RHBDL2: variants seen among roughly 807,000 people sequenced by gnomAD.
The protein encoded by RHBDL2 is rhomboid like 2.
In RHBDL2, 26 loss-of-function variants were observed where a neutral mutation model predicts 31.7. That is an observed-to-expected ratio of 0.82 (90% CI 0.60 to 1.14). RHBDL2 has a LOEUF of 1.14. Ranked by LOEUF, RHBDL2 falls within the 50% of genes most tolerant of loss-of-function variation. The pLI is 0.00. For missense variants in RHBDL2, 336 were observed against 364.4 expected (o/e 0.92, Z 0.63); for synonymous variants, 123 against 127.2 (o/e 0.97, Z 0.22).
intron 1 of RHBDL2, among the ~76,000 whole-genome samples, chr1:38,930,473 A>AC (rs1457045350): frequency 6.6e-6 from 1 of 152,204 alleles, no homozygotes; most frequent in East Asian, 1.9e-4. Context: ...ATATTTGTGT[A>AC]CCCTATTATA....
rs773138017 is a variant in RHBDL2 at position 38,911,445 on chromosome 1, A to G, written c.396-11T>C. 1 of 1,564,102 alleles carries G rather than the reference A, an allele frequency of 6.4e-7. No individual in the cohort carries two copies. Among genetic ancestry groups the G allele is most frequent in the African/African-American group, 1.4e-5 (1 of 73,922 alleles). ...AAGATGTGCTGAACTCTGCAAAGAC[A>G]AACAATAGTTGTCAAATATTATGAC... On this transcript the variant is annotated splice_polypyrimidine_tract_variant and intron_variant, in intron 3 of 7. Transcript: ENST00000372990.
chr1:38,907,608 C>T (rs1643085118), intron 4 of RHBDL2, among the ~76,000 whole-genome samples: 1 of 152,128 alleles, frequency 6.6e-6, no homozygotes, highest in Non-Finnish European at 1.5e-5. Flanking sequence ...TGGCTCATGC[C>T]TGTAATCCCA....
chr1:38,911,202 G>GCACA, intron 4 of RHBDL2, 120 bp downstream of exon 4: 2 of 628,614 alleles, frequency 3.2e-6, no homozygotes, highest in Non-Finnish European at 5.7e-6. Context: ...GTGTTCCCGA[G>GCACA]CACATATTAG....
At chr1:38,937,105 A>G (rs560204959) in intron 1 of RHBDL2, among the ~76,000 whole-genome samples, 1 of 149,680 alleles carries the variant, frequency 6.7e-6, no homozygotes, top group East Asian at 2.0e-4. Flanking sequence ...CCGCCACCAC[A>G]CCCAGCTAAT....
chr1:38,891,377 A>G (rs1642853199), intron 6 of RHBDL2, among the ~76,000 whole-genome samples: 1 of 152,114 alleles, frequency 6.6e-6, no homozygotes, highest in African/African-American at 2.4e-5. Flanking sequence ...ATGCACTTAT[A>G]TTTTATTAAT....
intron 2 of RHBDL2, among the ~76,000 whole-genome samples, chr1:38,916,592 C>CT (rs1414488552): frequency 3.2e-4 from 49 of 152,044 alleles, no homozygotes; most frequent in African/African-American, 1.2e-3. Context: ...TGCCTATAGT[C>CT]CCAGCCCTTT....
intron 3 of RHBDL2, 23 bp downstream of exon 3, chr1:38,915,539 G>A: frequency 6.2e-7 from 1 of 1,612,096 alleles, no homozygotes; most frequent in Non-Finnish European, 8.5e-7. Flanking sequence ...TCTGATACCA[G>A]GGGCTTAACT....
intron 4 of RHBDL2, among the ~76,000 whole-genome samples, chr1:38,898,905 T>C (rs1275487087): frequency 6.6e-6 from 1 of 152,212 alleles, no homozygotes; most frequent in Admixed American, 6.5e-5. Context: ...AAAACTCTTT[T>C]GTTTCCACAC....
At chr1:38,889,730 A>G (rs1642831314) in intron 6 of RHBDL2, among the ~76,000 whole-genome samples, 2 of 152,246 alleles carry the variant, frequency 1.3e-5, no homozygotes, top group Admixed American at 6.5e-5. Context: ...TTCTTGGCCT[A>G]GAAGAACTCT....
At chr1:38,889,772 T>C (rs1557607110) in intron 6 of RHBDL2, among the ~76,000 whole-genome samples, 1 of 152,216 alleles carries the variant, frequency 6.6e-6, no homozygotes, top group Non-Finnish European at 1.5e-5. Context: ...GAAACATCTC[T>C]TGCAGCTATC....
rs564857757 is a variant in RHBDL2, at chr1:38,920,633, G to T, written c.-125-1296C>A. On this transcript the variant is annotated intron_variant, in intron 1 of 7. Transcript: ENST00000372990. ...TTTTTTTTTTTTTTTTTGAGACAGA[G>T]TCTCGCTCTGTCGCCCAGGCTGGAG... Among the ~76,000 whole-genome samples the T allele has an allele frequency of 2.1e-4, 29 of 141,378 alleles. No homozygotes were observed. The East Asian group carries it at 5.7e-3, about 28-fold the overall frequency. 92.7% of individuals were successfully genotyped at this position (141,378 alleles called of 152,430 possible). A position where few individuals can be genotyped will look rare whatever the true frequency, so the allele number is the denominator to read the frequency against.
chr1:38,924,708 C>T (rs1195147627), intron 1 of RHBDL2, among the ~76,000 whole-genome samples: 1 of 150,898 alleles, frequency 6.6e-6, no homozygotes, highest in Non-Finnish European at 1.5e-5. Flanking sequence ...CTTGAAAGGG[C>T]AGGACTGTGC....
In RHBDL2 at chr1:38,919,017, C is replaced by T. The variant is rs372692317; in HGVS notation, c.196G>A (p.Ala66Thr). Residue 66 changes from alanine (A) to threonine (T), a missense_variant, in exon 2 of 8, where the codon GCT (alanine) becomes ACT (threonine). By Grantham distance (58) the Ala-to-Thr change is moderately conservative (BLOSUM62 0). Coordinates refer to ENST00000372990, the MANE Select transcript of RHBDL2 (RefSeq NM_017821.5). The stretch of plus-strand genomic sequence containing the variant: ...AACACGGGAGGCGGGAAGCAGTTAG[C>T]TCTCTCCAAGTATGTTCCTCGGGAC... ...EKSRGTYLERANCFPPPVFII... is the reference protein window; with the variant it reads ...EKSRGTYLERTNCFPPPVFII... The T allele has an allele frequency of 1.9e-6, 3 of 1,614,038 alleles. No homozygotes were observed. In the African/African-American group the frequency reaches 4.0e-5, roughly 22 times the overall value.
chr1:38,894,478 A>G (rs936708736), intron 5 of RHBDL2, among the ~76,000 whole-genome samples: 10 of 151,942 alleles, frequency 6.6e-5, no homozygotes, highest in Non-Finnish European at 7.4e-5. Flanking sequence ...GCGTGCCACC[A>G]CACCCAGCTA....
At chr1:38,899,209 GT>G (rs1642958143) in intron 4 of RHBDL2, among the ~76,000 whole-genome samples, 1 of 152,198 alleles carries the variant, frequency 6.6e-6, no homozygotes, top group Admixed American at 6.5e-5. Flanking sequence ...GGAAAATCAA[GT>G]TTGATCAGGA....
chr1:38,916,703 A>T (rs1643240624), intron 2 of RHBDL2, among the ~76,000 whole-genome samples: 1 of 121,504 alleles, frequency 8.2e-6, no homozygotes, highest in African/African-American at 2.8e-5. Context: ...CAAAAAAAAC[A>T]AACAAACAAA....
At chr1:38,910,469 TG>T (rs1243780088) in intron 4 of RHBDL2, among the ~76,000 whole-genome samples, 2 of 152,198 alleles carry the variant, frequency 1.3e-5, no homozygotes, top group African/African-American at 4.8e-5. Flanking sequence ...AACAAATGGA[TG>T]GATGGGAGTT....
chr1:38,896,066 G>C lies in RHBDL2; in HGVS notation c.512C>G (p.Ser171Cys). The change falls in exon 5 of 8, where the codon TCC (serine) becomes TGC (cysteine). Residue 171 changes from serine (S) to cysteine (C), a missense_variant. Transcript: ENST00000372990. ...LVYLAGVIAG[S>C]LASSIFDPLR... ...TGGGTCAAAGATGGAGCTGGCAAGGGACCCTAAAGAAATAAAACACAAAGG... is the reference window on the plus strand; with the variant it reads ...TGGGTCAAAGATGGAGCTGGCAAGGCACCCTAAAGAAATAAAACACAAAGG... 1.2e-6 allele frequency: 2 copies of C among 1,609,790 alleles called. No homozygotes were observed. The highest frequency in any genetic ancestry group is 1.1e-5 in the South Asian group (1 of 90,918).
At chr1:38,932,359 G>T (rs1167993915) in intron 1 of RHBDL2, among the ~76,000 whole-genome samples, 2 of 152,208 alleles carry the variant, frequency 1.3e-5, no homozygotes, top group Non-Finnish European at 2.9e-5. Context: ...AGCTGTGAAT[G>T]ACCCTAGCTG....
Sources: gnomAD v4.1 joint callset for allele counts (sites outside exome capture counted in the v4.1 genomes callset) on GRCh38, gnomAD v4.1.1 for gene constraint, MANE v1.5 for transcripts, NCBI Gene and HGNC (gene_info 2026-07-23, HGNC 2026-07-21) for gene names.